The following PDLIM4 variants were observed in gnomAD, a reference collection of about 807,000 sequenced individuals.
The protein encoded by PDLIM4 is PDZ and LIM domain 4.
Under a neutral mutation model 31.3 loss-of-function variants are expected in PDLIM4, and 19 were observed. The observed-to-expected ratio is 0.61, with a 90% confidence interval of 0.42 to 0.89. PDLIM4 has a LOEUF of 0.89. PDLIM4 is among the 40% of genes least tolerant of loss of function. The probability of loss-of-function intolerance (pLI) is 0.00; values close to 1 mark genes in which losing one functional copy is unlikely to be tolerated. For missense variants in PDLIM4, 442 were observed against 461.1 expected (o/e 0.96, Z 0.38); for synonymous variants, 176 against 190.1 (o/e 0.93, Z 0.61).
At chr5:132,264,623 T>G (rs1467445956) in intron 2 of PDLIM4, among the ~76,000 whole-genome samples, 1 of 151,904 alleles carries the variant, frequency 6.6e-6, no homozygotes, top group East Asian at 1.9e-4. Flanking sequence ...GATCAAGACA[T>G]GAGGGCCACC....
intron 1 of PDLIM4, among the ~76,000 whole-genome samples, chr5:132,259,677 C>G (rs1281372508): frequency 2.0e-5 from 3 of 152,148 alleles, no homozygotes; most frequent in Admixed American, 2.0e-4. Context: ...GCTCAAGATC[C>G]AGCCCCTCCC....
chr5:132,258,267 G>C (rs1360394572), intron 1 of PDLIM4, among the ~76,000 whole-genome samples: 1 of 152,236 alleles, frequency 6.6e-6, no homozygotes, highest in African/African-American at 2.4e-5. Context: ...ACCCAGGGAG[G>C]TCTGGGGTCC....
In PDLIM4 at chr5:132,271,155, T is replaced by G. The variant is rs748620178; in HGVS notation, c.506+62T>G. 1.1e-4 allele frequency: 175 copies of G among 1,544,524 alleles called. 2 individuals carry two copies. The highest frequency in any genetic ancestry group is 1.5e-4 in the Non-Finnish European group (170 of 1,126,104). ...CCATCTTAACCCTTGATCCCTCAAA[T>G]CTCACCCAGTCCCACTCTGACCCCT... On this transcript the variant is annotated intron_variant, in intron 4 of 6. Transcript: ENST00000253754.
chr5:132,268,275 C>T (rs1053285152), intron 3 of PDLIM4, among the ~76,000 whole-genome samples: 66 of 152,326 alleles, frequency 4.3e-4, no homozygotes, highest in Non-Finnish European at 8.8e-5. Context: ...CCCCACCCCA[C>T]CCCTGCAGGG....
At chr5:132,268,020 C>T (rs554714858) in intron 3 of PDLIM4, among the ~76,000 whole-genome samples, 16 of 152,298 alleles carry the variant, frequency 1.1e-4, no homozygotes, top group African/African-American at 3.8e-4. Context: ...GCCAGGATGA[C>T]GTGGTGGGGA....
In PDLIM4 at chr5:132,266,516, C is replaced by T. The variant is rs768553190; in HGVS notation, c.298C>T (p.His100Tyr). Residue 100 changes from histidine to tyrosine, a missense_variant, in exon 3 of 7, where the codon CAC becomes TAC. Physicochemically the swap from His to Tyr is moderately conservative, Grantham distance 83. Transcript: ENST00000253754. ...CCCTGATGACAGCAAGGCTCAGGCA[C>T]ACAGGATCCACATCGATCCTGAGAT... is the stretch of plus-strand genomic sequence containing the variant. ...SAPDDSKAQA[H>Y]RIHIDPEIQD... is the part of the protein sequence containing the mutation. 2 of 1,613,088 alleles carry T rather than the reference C, an allele frequency of 1.2e-6. No homozygotes were observed. The highest frequency in any genetic ancestry group is 8.5e-7 in the Non-Finnish European group (1 of 1,179,278).
chr5:132,259,733 G>C (rs1381654361), intron 1 of PDLIM4, among the ~76,000 whole-genome samples: 1 of 152,220 alleles, frequency 6.6e-6, no homozygotes, highest in Non-Finnish European at 1.5e-5. Flanking sequence ...GGGAGGGACA[G>C]CCTCACACAG....
intron 1 of PDLIM4, among the ~76,000 whole-genome samples, chr5:132,259,749 G>A (rs1200670649): frequency 6.6e-6 from 1 of 152,200 alleles, no homozygotes; most frequent in Non-Finnish European, 1.5e-5. Flanking sequence ...CACAGACAGG[G>A]AGGAGGCTAT....
At chr5:132,266,663 G>A (rs1487652947) in intron 3 of PDLIM4, 118 bp downstream of exon 3, 2 of 622,620 alleles carry the variant, frequency 3.2e-6, no homozygotes, top group Admixed American at 3.1e-5. Flanking sequence ...ACCCAAGACA[G>A]AGACTGAAGC....
intron 2 of PDLIM4, among the ~76,000 whole-genome samples, chr5:132,266,017 C>A (rs183095190): frequency 1.3e-5 from 2 of 152,328 alleles, no homozygotes; most frequent in East Asian, 3.9e-4. Flanking sequence ...CCACCTACCC[C>A]AGAGCCGACG....
chr5:132,257,837 G>C lies in PDLIM4; in HGVS notation c.93+10G>C. 1 of 1,451,092 alleles carries C rather than the reference G, an allele frequency of 6.9e-7. No individual in the cohort carries two copies. Among genetic ancestry groups the C allele is most frequent in the South Asian group, 1.3e-5 (1 of 77,202 alleles). The allele number at this position is 1,451,092 out of a possible 1,614,324, so 89.9% of individuals were successfully genotyped here. ...CCTCACCATCTCACGGGTGAGTCTG[G>C]CGGCTGCGTGGCGGCAGGGCGGTCC... On this transcript the variant is annotated intron_variant, in intron 1 of 6. Transcript: ENST00000253754. The surrounding 1 kb of genome is among the most constrained non-coding windows in gnomAD (Gnocchi z 4.3).
intron 3 of PDLIM4, among the ~76,000 whole-genome samples, chr5:132,268,904 G>A (rs1369018478): frequency 1.3e-5 from 2 of 152,170 alleles, no homozygotes; most frequent in African/African-American, 4.8e-5. Flanking sequence ...CATATGGTAC[G>A]AGGTGTACCA....
chr5:132,260,068 C>T (rs1756340429), intron 1 of PDLIM4, among the ~76,000 whole-genome samples: 1 of 152,208 alleles, frequency 6.6e-6, no homozygotes, highest in Non-Finnish European at 1.5e-5. Context: ...GACCCAGGCA[C>T]AGAGAGGCTA....
At chr5:132,269,705 G>T (rs1256015853) in intron 3 of PDLIM4, among the ~76,000 whole-genome samples, 1 of 152,074 alleles carries the variant, frequency 6.6e-6, no homozygotes, top group Non-Finnish European at 1.5e-5. Flanking sequence ...CACTACGATA[G>T]GCATCCTTTC....
chr5:132,271,882 G>A lies in PDLIM4; in HGVS notation c.762G>A (p.Glu254=). The change falls in exon 6 of 7, where the codon GAG becomes GAA. Residue 254 remains glutamate, a synonymous_variant. Coordinates refer to ENST00000253754, the MANE Select transcript of PDLIM4 (RefSeq NM_003687.4). ...TGAGCGGCCTGCAGGGGCTGCCCGAGTGCACGCGCTGCGGCCACGGCATCG... is the reference window on the plus strand; with the variant it reads ...TGAGCGGCCTGCAGGGGCTGCCCGAATGCACGCGCTGCGGCCACGGCATCG... ...APLSGLQGLP[E]CTRCGHGIVG... The A allele has an allele frequency of 6.2e-7, 1 of 1,609,572 alleles. No homozygotes were observed. Among genetic ancestry groups the A allele is most frequent in the Non-Finnish European group, 8.5e-7 (1 of 1,177,720 alleles).
Position 132,271,528 on chromosome 5 carries a change from C to T in PDLIM4, c.670+62C>T, listed in dbSNP as rs772657493. ...ACTCCCTGCAGTGCCCAGGTTGCCCCCTAGCGACCCCACGTCCCGCCTCGC... is the reference window on the plus strand; with the variant it reads ...ACTCCCTGCAGTGCCCAGGTTGCCCTCTAGCGACCCCACGTCCCGCCTCGC... On this transcript the variant is annotated intron_variant, in intron 5 of 6. Coordinates refer to ENST00000253754, the MANE Select transcript of PDLIM4 (RefSeq NM_003687.4). 7 of 1,532,732 alleles carry T rather than the reference C, an allele frequency of 4.6e-6. No individual in the cohort carries two copies. In the African/African-American group the frequency reaches 9.5e-5, roughly 21 times the overall value. 94.9% of individuals were successfully genotyped at this position (1,532,732 alleles called of 1,614,324 possible).
chr5:132,268,021 G>A lies in PDLIM4; in HGVS notation c.327+1476G>A, dbSNP rs574124146. ...TCAGAGGTAGCAGTGCCAGGATGAC[G>A]TGGTGGGGAGGGGGTTCAGTCTTCC... On this transcript the variant is annotated intron_variant, in intron 3 of 6. Coordinates refer to ENST00000253754, the MANE Select transcript of PDLIM4 (RefSeq NM_003687.4). 4.6e-5 allele frequency among the ~76,000 whole-genome samples: 7 copies of A among 152,304 alleles called. No homozygotes were observed. In the East Asian group the frequency reaches 5.8e-4, roughly 13 times the overall value.
intron 1 of PDLIM4, 22 bp from the exon 2 acceptor site, chr5:132,262,587 C>T: frequency 6.3e-7 from 1 of 1,587,452 alleles, no homozygotes; most frequent in Non-Finnish European, 8.6e-7. Flanking sequence ...TGTGCCCAGC[C>T]ATCTGGCTTG....
At chr5:132,271,518 C>T (rs769077514) in intron 5 of PDLIM4, 52 bp downstream of exon 5, 3 of 1,580,956 alleles carry the variant, frequency 1.9e-6, no homozygotes, top group Non-Finnish European at 2.6e-6. Flanking sequence ...CTGCAGTGCC[C>T]AGGTTGCCCC....
Sources: allele counts gnomAD v4.1 joint callset (sites outside exome capture counted in the v4.1 genomes callset), GRCh38; gene constraint gnomAD v4.1.1; non-coding constraint Gnocchi (gnomAD v3.1); transcripts MANE v1.5; gene names NCBI Gene and HGNC (gene_info 2026-07-23, HGNC 2026-07-21).